The following EPS15L1 variants were observed in gnomAD, a reference collection of about 807,000 sequenced individuals.
EPS15L1 encodes epidermal growth factor receptor substrate 15-like 1.
A neutral mutation model predicts 117.1 loss-of-function variants in EPS15L1; 43 were observed. The observed-to-expected ratio is 0.37, with a 90% CI of 0.29 to 0.47. The LOEUF (loss-of-function observed/expected upper bound fraction) is 0.47. Among genes scored for constraint, EPS15L1 ranks in the 20% least tolerant of loss-of-function variants. The pLI is 0.99. For missense variants in EPS15L1, 981 were observed against 1,164.0 expected, an observed-to-expected ratio of 0.84 and a Z score of 2.29; for synonymous variants, 459 against 470.5, an observed-to-expected ratio of 0.98 and a Z score of 0.32.
At position 16,401,087 on chromosome 19, in the gene EPS15L1, C is replaced by T. The variant is rs904366520; in HGVS notation, c.1791+1234G>A. On this transcript the variant is annotated intron_variant, in intron 16 of 23. Transcript: ENST00000455140. ...TAACTCATGAAGGATGAATGCTCAT[C>T]GTTTAAATTTAGACGATAAAGCTGA... 22 of 985,280 alleles carry T rather than the reference C, an allele frequency of 2.2e-5. No homozygotes were observed. The Admixed American group carries it at 8.6e-4, about 39-fold the overall frequency. 61.0% of individuals were successfully genotyped at this position (985,280 alleles called of 1,614,324 possible). A position where few individuals can be genotyped will look rare whatever the true frequency, so the allele number is the denominator to read the frequency against.
At chr19:16,402,779 C>A (rs1300689847) in intron 15 of EPS15L1, among the ~76,000 whole-genome samples, 2 of 151,998 alleles carry the variant, frequency 1.3e-5, no homozygotes, top group African/African-American at 4.8e-5. Context: ...GAGATGGGGT[C>A]TCGCTATGTT....
chr19:16,442,277 A>G, intron 1 of EPS15L1, 58 bp from the exon 2 acceptor site: 2 of 1,492,884 alleles, frequency 1.3e-6, no homozygotes, highest in Non-Finnish European at 9.3e-7. Flanking sequence ...GGGGAAAAAA[A>G]GGGTTGCCCC....
intron 22 of EPS15L1, among the ~76,000 whole-genome samples, chr19:16,372,589 AT>A (rs1487332420): frequency 2.6e-5 from 4 of 152,142 alleles, no homozygotes; most frequent in African/African-American, 9.7e-5. Context: ...GGCCCAATTA[AT>A]GACTCCCAGA....
At chr19:16,447,142 T>G (rs1038791618) in intron 1 of EPS15L1, among the ~76,000 whole-genome samples, 1 of 152,144 alleles carries the variant, frequency 6.6e-6, no homozygotes. Context: ...GCGGGTGAGA[T>G]AACCTGGCTC....
At chr19:16,394,860 T>C (rs73931910) in intron 17 of EPS15L1, among the ~76,000 whole-genome samples, 5,014 of 152,204 alleles carry the variant, frequency 0.033, 300 homozygotes, top group African/African-American at 0.12. Context: ...TGTGGTGAGC[T>C]TGGAACACTT....
At chr19:16,422,433 C>A (rs559351873) in intron 9 of EPS15L1, among the ~76,000 whole-genome samples, 2 of 152,016 alleles carry the variant, frequency 1.3e-5, no homozygotes, top group African/African-American at 4.8e-5. Flanking sequence ...TAAATATTTA[C>A]ACAAATCACT....
chr19:16,460,460 G>A (rs2093238216), intron 1 of EPS15L1, among the ~76,000 whole-genome samples: 2 of 152,224 alleles, frequency 1.3e-5, no homozygotes, highest in Admixed American at 1.3e-4. Context: ...TAGTGGCTAA[G>A]AGTCAACAAC....
chr19:16,401,356 T>C, intron 16 of EPS15L1: 1 of 985,014 alleles, frequency 1.0e-6, no homozygotes, highest in Non-Finnish European at 1.2e-6. Flanking sequence ...AAGAGGCAAG[T>C]GTGGTGTTTA....
At position 16,404,835 on chromosome 19, in the gene EPS15L1, C is replaced by T; in HGVS notation, c.1267-86G>A. 6.7e-7 allele frequency: 1 copy of T among 1,481,714 alleles called. No homozygotes were observed. Among genetic ancestry groups the T allele is most frequent in the South Asian group, 1.2e-5 (1 of 80,968 alleles). The allele number at this position is 1,481,714 out of a possible 1,614,324, so 91.8% of individuals were successfully genotyped here. A position where few individuals can be genotyped will look rare whatever the true frequency, so the allele number is the denominator to read the frequency against. On this transcript the variant is annotated intron_variant, in intron 13 of 23. Coordinates refer to ENST00000455140, the MANE Select transcript of EPS15L1 (RefSeq NM_001258374.3). This position sits in a 1 kb window ranked among gnomAD's most constrained non-coding sequence, Gnocchi z 4.2. ...CGGGGGGCAGCCTGGGCCAGAAGTCCAGGGGAAGCCTCCGAAACCACCCAC... is the reference window on the plus strand; with the variant it reads ...CGGGGGGCAGCCTGGGCCAGAAGTCTAGGGGAAGCCTCCGAAACCACCCAC...
chr19:16,456,444 G>A (rs1483129753), intron 1 of EPS15L1, among the ~76,000 whole-genome samples: 1 of 151,838 alleles, frequency 6.6e-6, no homozygotes, highest in Non-Finnish European at 1.5e-5. Flanking sequence ...ATCACATGAG[G>A]TCAGGAGTTC....
chr19:16,385,202 C>T lies in EPS15L1; in HGVS notation c.2174G>A (p.Gly725Glu), dbSNP rs774665717. ...SVSSKGSDPFGTLDPFGSGSF... is the reference protein window; with the variant it reads ...SVSSKGSDPFETLDPFGSGSF... The stretch of plus-strand genomic sequence containing the variant: ...CCCACTTCCGAAGGGATCTAAGGTT[C>T]CAAAGGGATCTGCAATCGGCACCAA... Residue 725 changes from glycine (G) to glutamate (E), a missense_variant, in exon 21 of 24, where the codon GGA (glycine) becomes GAA (glutamate). Physicochemically the swap from Gly to Glu is moderately conservative, Grantham distance 98. Coordinates refer to ENST00000455140, the MANE Select transcript of EPS15L1 (RefSeq NM_001258374.3). 1 of 1,614,020 alleles carries T rather than the reference C, an allele frequency of 6.2e-7. No homozygotes were observed. The highest frequency in any genetic ancestry group is 8.5e-7 in the Non-Finnish European group (1 of 1,179,970).
Position 16,381,252 on chromosome 19 carries a change from G to A in EPS15L1, c.2247+3877C>T, listed in dbSNP as rs1256806376. On this transcript the variant is annotated intron_variant, in intron 21 of 23. Coordinates refer to ENST00000455140, the MANE Select transcript of EPS15L1 (RefSeq NM_001258374.3). The surrounding 1 kb of genome is among the most constrained non-coding windows in gnomAD (Gnocchi z 4.2). ...CCTCTGCCTTACACACAAGGAAACTGAGGCACACAAAGGAGGCGCAGCCTG... is the reference window on the plus strand; with the variant it reads ...CCTCTGCCTTACACACAAGGAAACTAAGGCACACAAAGGAGGCGCAGCCTG... Among the ~76,000 whole-genome samples, 1 of 152,382 alleles carries A rather than the reference G, an allele frequency of 6.6e-6. No homozygotes were observed. Among genetic ancestry groups the A allele is most frequent in the East Asian group, 1.9e-4 (1 of 5,188 alleles).
intron 22 of EPS15L1, among the ~76,000 whole-genome samples, chr19:16,376,455 G>A (rs1170462471): frequency 6.6e-6 from 1 of 152,228 alleles, no homozygotes; most frequent in African/African-American, 2.4e-5. Flanking sequence ...CCAAGGCTAG[G>A]AGACATTGGC....
chr19:16,362,173 C>A (rs1003415111), intron 22 of EPS15L1, among the ~76,000 whole-genome samples, 189 bp from the exon 23 acceptor site: 1 of 152,136 alleles, frequency 6.6e-6, no homozygotes. Flanking sequence ...AGGGGCTTAA[C>A]GGGTTGTGAA....
rs1257478700 is a variant in EPS15L1 at position 16,359,859 on chromosome 19, C to T, written c.2586+1920G>A. 2.6e-5 allele frequency among the ~76,000 whole-genome samples: 4 copies of T among 151,188 alleles called. No homozygotes were observed. The East Asian group carries it at 7.7e-4, about 29-fold the overall frequency. The stretch of plus-strand genomic sequence containing the variant: ...GCCTGGGCAACAGAGCGAGACTCAT[C>T]TCCAAATATGTAAAAACCAAAAACT... On this transcript the variant is annotated intron_variant, in intron 23 of 23. Coordinates refer to ENST00000455140, the MANE Select transcript of EPS15L1 (RefSeq NM_001258374.3).
intron 19 of EPS15L1, among the ~76,000 whole-genome samples, chr19:16,389,015 G>A (rs1411063760): frequency 2.0e-5 from 3 of 152,078 alleles, no homozygotes; most frequent in African/African-American, 4.8e-5. Flanking sequence ...TTGGGAGGAC[G>A]AGGCGGGCAG....
At chr19:16,468,387 C>T (rs920447230) in intron 1 of EPS15L1, among the ~76,000 whole-genome samples, 1 of 152,162 alleles carries the variant, frequency 6.6e-6, no homozygotes, top group African/African-American at 2.4e-5. Context: ...ACCCTGTTGC[C>T]CAGGCTGGGG....
rs2092774342 is a variant in EPS15L1, at chr19:16,417,878, C to G, written c.1107+70G>C. 11 of 1,554,782 alleles carry G rather than the reference C, an allele frequency of 7.1e-6. No homozygotes were observed. In the East Asian group the frequency reaches 2.3e-4, roughly 32 times the overall value. On this transcript the variant is annotated intron_variant, in intron 11 of 23. Coordinates refer to ENST00000455140, the MANE Select transcript of EPS15L1 (RefSeq NM_001258374.3). ...CGCCACCGTGGGCTCATGTGTGCCACCAGTGCCACCTGGTGGCAGGCGGTG... is the reference window on the plus strand; with the variant it reads ...CGCCACCGTGGGCTCATGTGTGCCAGCAGTGCCACCTGGTGGCAGGCGGTG...
intron 14 of EPS15L1, 61 bp from the exon 15 acceptor site, chr19:16,403,991 G>A (rs1014058675): frequency 6.9e-6 from 10 of 1,453,798 alleles, no homozygotes; most frequent in Admixed American, 1.9e-5. Context: ...ATGGGACTCC[G>A]AGAAAGAACT....
Sources: allele counts gnomAD v4.1 joint callset (sites outside exome capture counted in the v4.1 genomes callset), GRCh38; gene constraint gnomAD v4.1.1; non-coding constraint Gnocchi (gnomAD v3.1); transcripts MANE v1.5; gene names NCBI Gene and HGNC (gene_info 2026-07-23, HGNC 2026-07-21).